The following TCEA1 variants were observed in gnomAD, a reference collection of about 807,000 sequenced individuals.
TCEA1 encodes transcription elongation factor A1.
TCEA1 carries 21 observed loss-of-function variants against 43.8 expected under a neutral mutation model. The observed-to-expected ratio is 0.48, with a 90% confidence interval of 0.34 to 0.69. The LOEUF (loss-of-function observed/expected upper bound fraction) is 0.69, where lower values mean the gene tolerates loss of function less well. TCEA1 is among the 30% of genes least tolerant of loss of function. The probability of loss-of-function intolerance (pLI) is 0.01; values close to 1 mark genes in which losing one functional copy is unlikely to be tolerated. For synonymous variants in TCEA1, 104 were observed against 117.5 expected, an observed-to-expected ratio of 0.88 and a Z score of 0.75; for missense variants, 250 against 365.1, an observed-to-expected ratio of 0.68 and a Z score of 2.57.
intron 9 of TCEA1, among the ~76,000 whole-genome samples, 162 bp from the exon 10 acceptor site, chr8:53,968,274 C>T (rs1230107855): frequency 6.6e-6 from 1 of 151,970 alleles, no homozygotes; most frequent in Non-Finnish European, 1.5e-5. Flanking sequence ...AAGTGCCTGA[C>T]TTTCCCAACT....
intron 8 of TCEA1, chr8:53,972,777 T>C: frequency 1.4e-6 from 1 of 716,688 alleles, no homozygotes; most frequent in South Asian, 1.4e-5. Context: ...AGTAGTAGAC[T>C]GTGATTCTCC....
intron 1 of TCEA1, among the ~76,000 whole-genome samples, chr8:54,012,422 T>C (rs961365798): frequency 6.6e-6 from 1 of 152,072 alleles, no homozygotes; most frequent in African/African-American, 2.4e-5. Flanking sequence ...TAGCTGGGCG[T>C]GGTGGCGGGT....
intron 1 of TCEA1, among the ~76,000 whole-genome samples, 174 bp from the exon 2 acceptor site, chr8:54,010,666 A>ATTTAATCATT (rs1021697261): frequency 2.0e-5 from 3 of 152,220 alleles, no homozygotes; most frequent in Admixed American, 6.5e-5. Flanking sequence ...TATTAATTTA[A>ATTTAATCATT]TTTAATCATT....
chr8:53,972,745 A>G lies in TCEA1; in HGVS notation c.826-2282T>C, dbSNP rs1803197568. ...GAAAAACTGAGAGGTTATCAACTCA[A>G]ATGACTGAAGTACTATTATGCAGTA... On this transcript the variant is annotated intron_variant, in intron 8 of 9. Coordinates refer to ENST00000521604, the MANE Select transcript of TCEA1 (RefSeq NM_006756.4). The G allele has an allele frequency of 7.1e-6, 5 of 703,120 alleles. No individual in the cohort carries two copies. In the East Asian group the frequency reaches 1.3e-4, roughly 19 times the overall value. The allele number at this position is 703,120 out of a possible 1,614,324, so 43.6% of individuals were successfully genotyped here.
intron 2 of TCEA1, among the ~76,000 whole-genome samples, chr8:54,003,748 G>A (rs1435220414): frequency 5.3e-5 from 8 of 151,868 alleles, no homozygotes; most frequent in Non-Finnish European, 1.5e-5. Flanking sequence ...ATGGTTTCTT[G>A]GATATGACAC....
chr8:53,967,704 C>T lies in TCEA1; in HGVS notation c.*400G>A, dbSNP rs1803025703. On this transcript the variant is annotated 3_prime_UTR_variant, in exon 10 of 10. Transcript: ENST00000521604. ...TCTCCTCCTTTAATATTTGTAGCTA[C>T]ATGCCAATATGGAAAAAAATGTATT... The T allele has an allele frequency of 1.4e-5, 3 of 217,582 alleles. No homozygotes were observed. The highest frequency in any genetic ancestry group is 6.8e-5 in the African/African-American group (3 of 44,392). 13.5% of individuals were successfully genotyped at this position (217,582 alleles called of 1,614,324 possible). A position where few individuals can be genotyped will look rare whatever the true frequency, so the allele number is the denominator to read the frequency against.
intron 6 of TCEA1, among the ~76,000 whole-genome samples, chr8:53,986,462 C>CAA (rs1269169063): frequency 6.6e-6 from 1 of 152,214 alleles, no homozygotes; most frequent in Non-Finnish European, 1.5e-5. Context: ...CTTGGACACT[C>CAA]ATGTTTTGCT....
intron 2 of TCEA1, among the ~76,000 whole-genome samples, chr8:54,003,675 T>C (rs1053715528): frequency 1.3e-5 from 2 of 152,116 alleles, no homozygotes; most frequent in Non-Finnish European, 2.9e-5. Context: ...CTCTTCCTTA[T>C]ACCACACATA....
intron 2 of TCEA1, among the ~76,000 whole-genome samples, chr8:54,002,024 C>T (rs1355772583): frequency 6.6e-6 from 1 of 151,674 alleles, no homozygotes; most frequent in Non-Finnish European, 1.5e-5. Context: ...AACAAATTAG[C>T]TGGGCGTGGT....
intron 8 of TCEA1, chr8:53,973,202 A>G: frequency 2.1e-6 from 1 of 485,836 alleles, no homozygotes; most frequent in Non-Finnish European, 3.8e-6. Context: ...CACTAAATAT[A>G]GGCAACTTTT....
rs192389484 is a variant in TCEA1, at chr8:54,022,345, G to A, written c.-220C>T. ...AGGCAGCGACAATCGAACACCGCGC[G>A]CGACGTGCAGGCGCTACCAACTGAC... On this transcript the variant is annotated 5_prime_UTR_variant, in exon 1 of 10. Coordinates refer to ENST00000521604, the MANE Select transcript of TCEA1 (RefSeq NM_006756.4). 4.4e-5 allele frequency: 26 copies of A among 590,788 alleles called. No individual in the cohort carries two copies. The East Asian group carries it at 6.1e-4, about 14-fold the overall frequency. The allele number at this position is 590,788 out of a possible 1,614,324, so 36.6% of individuals were successfully genotyped here. A position where few individuals can be genotyped will look rare whatever the true frequency, so the allele number is the denominator to read the frequency against.
intron 3 of TCEA1, among the ~76,000 whole-genome samples, chr8:53,994,961 A>T (rs1563491674): frequency 1.3e-5 from 2 of 152,150 alleles, no homozygotes; most frequent in Non-Finnish European, 2.9e-5. Context: ...GCCCAAAGAA[A>T]CATTCACTTT....
intron 8 of TCEA1, chr8:53,972,625 T>C (rs745667175): frequency 1.2e-5 from 7 of 600,096 alleles, no homozygotes; most frequent in East Asian, 3.8e-5. Context: ...TCTTCAGAGT[T>C]TGGAAAGGAG....
intron 8 of TCEA1, chr8:53,972,332 G>T: frequency 4.2e-6 from 2 of 479,226 alleles, no homozygotes; most frequent in South Asian, 1.6e-5. Flanking sequence ...AGAATGGTGA[G>T]GATGATGATG....
At chr8:53,982,378 C>T (rs1459830222) in intron 7 of TCEA1, among the ~76,000 whole-genome samples, 1 of 151,950 alleles carries the variant, frequency 6.6e-6, no homozygotes, top group Non-Finnish European at 1.5e-5. Flanking sequence ...AAGGCCGAGG[C>T]GGGTGGATCA....
chr8:53,982,584 G>T (rs886656711), intron 7 of TCEA1, among the ~76,000 whole-genome samples: 3 of 146,378 alleles, frequency 2.0e-5, no homozygotes, highest in African/African-American at 7.7e-5. Flanking sequence ...CTCCAGCCTG[G>T]GCGACAACAG....
rs762378764 is a variant in TCEA1, at chr8:53,973,365, GAAGA to G, written c.826-2906_826-2903del. On this transcript the variant is annotated intron_variant, in intron 8 of 9. Coordinates refer to ENST00000521604, the MANE Select transcript of TCEA1 (RefSeq NM_006756.4). ...TGACCCCTTGGGAACAATTTTTAAA[GAAGA>G]AAGAAAAAAAGACAAAAAGAAAAAG... The G allele has an allele frequency of 1.7e-4, 87 of 516,862 alleles. No individual in the cohort carries two copies. In the Middle Eastern group the frequency reaches 2.5e-3, roughly 15 times the overall value. 32.0% of individuals were successfully genotyped at this position (516,862 alleles called of 1,614,324 possible).
chr8:54,010,414 G>A lies in TCEA1; in HGVS notation c.126+16C>T. On this transcript the variant is annotated intron_variant, in intron 2 of 9. Transcript: ENST00000521604. ...GACTACCTATTAAAAAAACTTTGATGCATAAAAGCACATACCTGCAGTAAT... is the reference window on the plus strand; with the variant it reads ...GACTACCTATTAAAAAAACTTTGATACATAAAAGCACATACCTGCAGTAAT... The A allele has an allele frequency of 1.3e-6, 2 of 1,582,946 alleles. No individual in the cohort carries two copies. Among genetic ancestry groups the A allele is most frequent in the South Asian group, 1.2e-5 (1 of 84,526 alleles).
At chr8:53,981,681 A>G (rs1481701412) in intron 7 of TCEA1, among the ~76,000 whole-genome samples, 1 of 152,138 alleles carries the variant, frequency 6.6e-6, no homozygotes, top group Non-Finnish European at 1.5e-5. Context: ...ACATACAAGG[A>G]GATTAATGTT....
Sources: gnomAD v4.1 joint callset for allele counts (sites outside exome capture counted in the v4.1 genomes callset) on GRCh38, gnomAD v4.1.1 for gene constraint, MANE v1.5 for transcripts, NCBI Gene and HGNC (gene_info 2026-07-23, HGNC 2026-07-21) for gene names.